The following CDC14A variants were observed in gnomAD, a reference collection of about 807,000 sequenced individuals.
CDC14A encodes dual specificity protein phosphatase CDC14A.
A neutral mutation model predicts 74.4 loss-of-function variants in CDC14A; 53 were observed. The ratio of observed to expected loss-of-function variants is 0.71; its 90% CI spans 0.57 to 0.89. The LOEUF (loss-of-function observed/expected upper bound fraction) is 0.89. Among genes scored for constraint, CDC14A ranks in the 40% least tolerant of loss-of-function variants. The pLI is 0.00. For synonymous variants in CDC14A, 247 were observed against 258.4 expected, an observed-to-expected ratio of 0.96 and a Z score of 0.43; for missense variants, 646 against 713.7, an observed-to-expected ratio of 0.91 and a Z score of 1.08.
chr1:100,366,325 T>C (rs1344211784), intron 2 of CDC14A, among the ~76,000 whole-genome samples: 1 of 152,230 alleles, frequency 6.6e-6, no homozygotes, highest in African/African-American at 2.4e-5. Context: ...AATGAATGAG[T>C]ACTTCTTGGA....
chr1:100,491,827 C>G (rs1670730463), intron 11 of CDC14A, among the ~76,000 whole-genome samples: 1 of 150,048 alleles, frequency 6.7e-6, no homozygotes, highest in Non-Finnish European at 1.5e-5. Context: ...CTGCCTTGGC[C>G]TCCCAAAGTG....
At chr1:100,386,325 A>G (rs1470508137) in intron 3 of CDC14A, among the ~76,000 whole-genome samples, 1 of 151,514 alleles carries the variant, frequency 6.6e-6, no homozygotes, top group Non-Finnish European at 1.5e-5. Flanking sequence ...TCTTTCTGTG[A>G]CCCTCTCTAT....
chr1:100,431,788 T>A (rs1190376191), intron 5 of CDC14A, among the ~76,000 whole-genome samples: 2 of 151,836 alleles, frequency 1.3e-5, no homozygotes, highest in African/African-American at 4.8e-5. Context: ...AGTTTGAGGC[T>A]GCAGTGAGTT....
At chr1:100,407,060 G>A (rs981041723) in intron 4 of CDC14A, among the ~76,000 whole-genome samples, 4 of 152,158 alleles carry the variant, frequency 2.6e-5, no homozygotes, top group Middle Eastern at 3.4e-3. Flanking sequence ...TGGTCTTTGT[G>A]TCTGTTCTTG....
intron 2 of CDC14A, among the ~76,000 whole-genome samples, chr1:100,369,849 CA>C (rs1481213129): frequency 2.7e-5 from 4 of 149,550 alleles, no homozygotes; most frequent in African/African-American, 7.4e-5. Flanking sequence ...TTTTTTGAGA[CA>C]CCTAAGTTGG....
rs571139127 is a variant in CDC14A at position 100,358,993 on chromosome 1, T to C, written c.140+5141T>C. 2.0e-5 allele frequency among the ~76,000 whole-genome samples: 3 copies of C among 152,352 alleles called. No homozygotes were observed. In the East Asian group the frequency reaches 5.8e-4, roughly 29 times the overall value. ...TGGAAGGTTGAATGCCACTTAAGCA[T>C]ATACACACATACACATATATATGAT... On this transcript the variant is annotated intron_variant, in intron 2 of 15. Coordinates refer to ENST00000336454, the MANE Select transcript of CDC14A (RefSeq NM_003672.4).
intron 4 of CDC14A, among the ~76,000 whole-genome samples, chr1:100,418,270 G>T (rs920862436): frequency 2.0e-5 from 3 of 152,154 alleles, no homozygotes; most frequent in Non-Finnish European, 4.4e-5. Flanking sequence ...AGTCTAAAGG[G>T]TAAGGGAAAA....
At chr1:100,413,968 C>T (rs1316246446) in intron 4 of CDC14A, among the ~76,000 whole-genome samples, 2 of 152,070 alleles carry the variant, frequency 1.3e-5, no homozygotes, top group Non-Finnish European at 2.9e-5. Context: ...CAAGTATTAG[C>T]ATTGAGGGAA....
At chr1:100,496,080 C>T (rs1412297791) in intron 13 of CDC14A, 31 bp downstream of exon 13, 1 of 1,575,132 alleles carries the variant, frequency 6.3e-7, no homozygotes, top group Non-Finnish European at 8.7e-7. Context: ...TGTCTAGTAG[C>T]TTGTAAATAT....
intron 2 of CDC14A, among the ~76,000 whole-genome samples, chr1:100,370,612 A>T (rs1399626983): frequency 6.6e-6 from 1 of 152,140 alleles, no homozygotes; most frequent in African/African-American, 2.4e-5. Flanking sequence ...TGAAGATCAG[A>T]TGGCTGTAGG....
chr1:100,478,543 G>T (rs555702700), intron 10 of CDC14A, among the ~76,000 whole-genome samples: 1 of 152,070 alleles, frequency 6.6e-6, no homozygotes, highest in Non-Finnish European at 1.5e-5. Context: ...TTCAGCTCAC[G>T]GAGATCCTTT....
In CDC14A at chr1:100,482,639, G is replaced by T. The variant is rs773569761; in HGVS notation, c.978-1653G>T. 3.9e-4 allele frequency among the ~76,000 whole-genome samples: 60 copies of T among 152,140 alleles called. 1 individual carries two copies. Among genetic ancestry groups the T allele is most frequent in the South Asian group, 2.1e-3 (10 of 4,826 alleles). On this transcript the variant is annotated intron_variant, in intron 10 of 15. Coordinates refer to ENST00000336454, the MANE Select transcript of CDC14A (RefSeq NM_003672.4). The stretch of plus-strand genomic sequence containing the variant: ...ACTAGAAATCCCTTCTTGAGAGACA[G>T]GGATTCAGTCTTTCATCCTTATATC...
chr1:100,491,100 C>G (rs1670568535), intron 11 of CDC14A, among the ~76,000 whole-genome samples: 1 of 152,044 alleles, frequency 6.6e-6, no homozygotes, highest in African/African-American at 2.4e-5. Context: ...TGATGAAAGA[C>G]AGAGAACAGC....
intron 2 of CDC14A, among the ~76,000 whole-genome samples, chr1:100,364,856 A>G (rs1653350187): frequency 6.6e-6 from 1 of 152,202 alleles, no homozygotes; most frequent in African/African-American, 2.4e-5. Context: ...ACAGACCCTG[A>G]TACTGGAAGG....
chr1:100,486,467 C>T (rs368464680), intron 11 of CDC14A, among the ~76,000 whole-genome samples: 2 of 152,194 alleles, frequency 1.3e-5, no homozygotes, highest in East Asian at 3.8e-4. Context: ...ACAGGCTAGG[C>T]AGCTTATAAA....
chr1:100,436,324 T>C (rs558979718), intron 5 of CDC14A, among the ~76,000 whole-genome samples: 14 of 152,170 alleles, frequency 9.2e-5, no homozygotes, highest in Non-Finnish European at 2.1e-4. Context: ...TTCAATCTTA[T>C]TTTAGTCATT....
intron 9 of CDC14A, among the ~76,000 whole-genome samples, chr1:100,465,739 T>C (rs966400937): frequency 6.6e-6 from 1 of 152,234 alleles, no homozygotes. Context: ...ATAAAAGAGA[T>C]GGCTATGAAT....
intron 5 of CDC14A, among the ~76,000 whole-genome samples, chr1:100,427,597 C>G (rs1405224921): frequency 1.3e-5 from 2 of 152,134 alleles, no homozygotes; most frequent in Admixed American, 1.3e-4. Context: ...AAGCAAACAC[C>G]TTGTATTATA....
Position 100,435,822 on chromosome 1 carries a change from C to CT in CDC14A, c.390-4109dup, listed in dbSNP as rs147804973. On this transcript the variant is annotated intron_variant, in intron 5 of 15. Transcript: ENST00000336454. ...CTGGGCTACAAGAGTGAGACTTCGT[C>CT]TAAAAAAAAAAAAAAAAAAAAAAAA... is the stretch of plus-strand genomic sequence containing the variant. Among the ~76,000 whole-genome samples, 76 of 68,412 alleles carry CT rather than the reference C, an allele frequency of 1.1e-3. 7 individuals are homozygous for CT. Among genetic ancestry groups the CT allele is most frequent in the African/African-American group, 1.9e-3 (23 of 12,002 alleles). 44.9% of individuals were successfully genotyped at this position (68,412 alleles called of 152,430 possible).
Sources: gnomAD v4.1 joint callset for allele counts (sites outside exome capture counted in the v4.1 genomes callset) on GRCh38, gnomAD v4.1.1 for gene constraint, MANE v1.5 for transcripts, NCBI Gene and HGNC (gene_info 2026-07-23, HGNC 2026-07-21) for gene names.